SLCO1B1: variants seen among roughly 807,000 people sequenced by gnomAD.
SLCO1B1 encodes solute carrier organic anion transporter family member 1B1, also known as OATP-2.
A neutral mutation model predicts 70.1 loss-of-function variants in SLCO1B1; 81 were observed. The ratio of observed to expected loss-of-function variants is 1.16; its 90% CI spans 0.97 to 1.39. The LOEUF (loss-of-function observed/expected upper bound fraction) is 1.39, where lower values mean the gene tolerates loss of function less well. Ranked by LOEUF, SLCO1B1 falls within the 40% of genes most tolerant of loss-of-function variation. SLCO1B1 has a pLI of 0.00. For missense variants in SLCO1B1, 895 were observed against 799.6 expected (o/e 1.12, Z -1.44); for synonymous variants, 283 against 271.5 (o/e 1.04, Z -0.42).
chr12:21,206,870 C>G (rs1397101149), intron 11 of SLCO1B1, among the ~76,000 whole-genome samples: 1 of 151,870 alleles, frequency 6.6e-6, no homozygotes. Context: ...CTCTGCCACA[C>G]CCTTCTGTGT....
At position 21,172,722 on chromosome 12, in the gene SLCO1B1, A is replaced by G; in HGVS notation, c.157A>G (p.Ile53Val). 1 of 1,613,014 alleles carries G rather than the reference A, an allele frequency of 6.2e-7. No individual in the cohort carries two copies. Among genetic ancestry groups the G allele is most frequent in the Non-Finnish European group, 8.5e-7 (1 of 1,179,140 alleles). The stretch of plus-strand genomic sequence containing the variant: ...TGCAATTATTATGAAAAGTTCCATC[A>G]TTCATATAGAACGGAGATTTGAGAT... ...LGAIIMKSSI[I>V]HIERRFEISS... Residue 53 changes from isoleucine (I) to valine (V), a missense_variant, in exon 3 of 15, where the codon ATT (isoleucine) becomes GTT (valine). Coordinates refer to ENST00000256958, the MANE Select transcript of SLCO1B1 (RefSeq NM_006446.5).
chr12:21,223,582 T>A (rs1379916316), intron 13 of SLCO1B1, among the ~76,000 whole-genome samples: 2 of 152,182 alleles, frequency 1.3e-5, no homozygotes, highest in Non-Finnish European at 1.5e-5. Context: ...TACCGGGTTT[T>A]CTCAGATACA....
rs558017531 is a variant in SLCO1B1, at chr12:21,210,011, C to A, written c.1497+3978C>A. ...AAATTTTCTCCCATTTTGTAGGTTG[C>A]CTGTTCACTCTGATGGTAGTTTTTT... On this transcript the variant is annotated intron_variant, in intron 11 of 14. Coordinates refer to ENST00000256958, the MANE Select transcript of SLCO1B1 (RefSeq NM_006446.5). 2.4e-3 allele frequency among the ~76,000 whole-genome samples: 362 copies of A among 150,660 alleles called. 1 individual carries two copies. Among genetic ancestry groups the A allele is most frequent in the African/African-American group, 8.5e-3 (350 of 41,266 alleles).
intron 10 of SLCO1B1, among the ~76,000 whole-genome samples, chr12:21,205,059 G>A (rs1186333933): frequency 4.6e-5 from 7 of 151,848 alleles, no homozygotes; most frequent in Non-Finnish European, 8.8e-5. Context: ...TATTGATAAT[G>A]TAGTTTCTGA....
intron 11 of SLCO1B1, among the ~76,000 whole-genome samples, chr12:21,207,165 G>A (rs116167859): frequency 0.017 from 2,516 of 151,918 alleles, 66 homozygotes; most frequent in African/African-American, 0.058. Flanking sequence ...TAGGTAAAGG[G>A]GATACAAATG....
At chr12:21,212,423 G>C (rs1290899686) in intron 11 of SLCO1B1, among the ~76,000 whole-genome samples, 3 of 134,524 alleles carry the variant, frequency 2.2e-5, no homozygotes, top group Non-Finnish European at 4.7e-5. Flanking sequence ...ACTGTGGTCT[G>C]AGAGATAGTT....
chr12:21,224,866 A>AT, intron 14 of SLCO1B1, 27 bp downstream of exon 14: 1 of 1,247,828 alleles, frequency 8.0e-7, no homozygotes. Flanking sequence ...ATATTTCATT[A>AT]TTTTTTCTTT....
intron 2 of SLCO1B1, among the ~76,000 whole-genome samples, chr12:21,155,989 T>A (rs1940538319): frequency 6.6e-6 from 1 of 152,194 alleles, no homozygotes; most frequent in African/African-American, 2.4e-5. Context: ...TAGAAAGCAC[T>A]GATTCCTAGA....
Position 21,200,532 on chromosome 12 carries a change from T to C in SLCO1B1, c.995T>C (p.Ile332Thr). 2 of 1,583,014 alleles carry C rather than the reference T, an allele frequency of 1.3e-6. No homozygotes were observed. The highest frequency in any genetic ancestry group is 1.7e-6 in the Non-Finnish European group (2 of 1,163,024). ...VTGFFQSFKSILTNPLYVMFV... is the reference protein window; with the variant it reads ...VTGFFQSFKSTLTNPLYVMFV... Reference sequence around the variant, plus strand: ...GGTTTTTTCCAGTCTTTTAAAAGCATCCTTACTAATCCCCTGTATGTTATG... The same window carrying C: ...GGTTTTTTCCAGTCTTTTAAAAGCACCCTTACTAATCCCCTGTATGTTATG... The change falls in exon 9 of 15, where the codon ATC becomes ACC. Residue 332 changes from isoleucine (I) to threonine (T), a missense_variant. By Grantham distance (89) the Ile-to-Thr change is moderately conservative. Coordinates refer to ENST00000256958, the MANE Select transcript of SLCO1B1 (RefSeq NM_006446.5).
chr12:21,160,226 A>G (rs7296435), intron 2 of SLCO1B1, among the ~76,000 whole-genome samples: 11,652 of 152,114 alleles, frequency 0.077, 555 homozygotes, highest in East Asian at 0.13. Flanking sequence ...ATTTCAAACT[A>G]TACTACAGGA....
chr12:21,183,804 C>A (rs1940932298), intron 7 of SLCO1B1, among the ~76,000 whole-genome samples: 1 of 152,014 alleles, frequency 6.6e-6, no homozygotes, highest in Non-Finnish European at 1.5e-5. Context: ...GGCAAGAAAG[C>A]TCATTGAGAT....
chr12:21,210,772 TC>T (rs1941273086), intron 11 of SLCO1B1, among the ~76,000 whole-genome samples: 1 of 149,374 alleles, frequency 6.7e-6, no homozygotes, highest in South Asian at 2.1e-4. Flanking sequence ...AAGAGGTCCT[TC>T]ACATCGCTTG....
At chr12:21,202,390 A>G in intron 9 of SLCO1B1, 101 bp from the exon 10 acceptor site, 1 of 771,272 alleles carries the variant, frequency 1.3e-6, no homozygotes, top group East Asian at 2.7e-5. Flanking sequence ...AAAAAGAAGC[A>G]ATAATATTGA....
intron 2 of SLCO1B1, among the ~76,000 whole-genome samples, chr12:21,162,199 A>G (rs1482738637): frequency 6.6e-6 from 1 of 152,000 alleles, no homozygotes; most frequent in Admixed American, 6.6e-5. Context: ...ATCCAACAAG[A>G]ATAAGCACAT....
rs780187535 is a variant in SLCO1B1 at position 21,208,161 on chromosome 12, A to AT, written c.1497+2136dup. On this transcript the variant is annotated intron_variant, in intron 11 of 14. Coordinates refer to ENST00000256958, the MANE Select transcript of SLCO1B1 (RefSeq NM_006446.5). ...TAGTTTAATTATATCCCACTTGTCC[A>AT]TTTTTTTTGTTGCAATTGCTTTTGA... Among the ~76,000 whole-genome samples, 481 of 151,276 alleles carry AT rather than the reference A, an allele frequency of 3.2e-3. 2 individuals are homozygous for AT. The highest frequency in any genetic ancestry group is 5.5e-3 in the Non-Finnish European group (376 of 67,758).
intron 7 of SLCO1B1, among the ~76,000 whole-genome samples, chr12:21,189,937 C>G (rs775467442): frequency 2.6e-5 from 4 of 152,144 alleles, no homozygotes; most frequent in Non-Finnish European, 5.9e-5. Flanking sequence ...AGTCACCCTG[C>G]TGCATAATAA....
chr12:21,232,190 A>G (rs1411878022), intron 14 of SLCO1B1, among the ~76,000 whole-genome samples: 2 of 152,252 alleles, frequency 1.3e-5, no homozygotes, highest in Non-Finnish European at 2.9e-5. Context: ...ATTGAGTCCC[A>G]GGCCACCATT....
rs1941546199 is a variant in SLCO1B1 at position 21,232,281 on chromosome 12, C to T, written c.1866-6698C>T. Among the ~76,000 whole-genome samples the T allele has an allele frequency of 2.0e-5, 3 of 152,302 alleles. No homozygotes were observed. In the South Asian group the frequency reaches 6.2e-4, roughly 32 times the overall value. On this transcript the variant is annotated intron_variant, in intron 14 of 14. Transcript: ENST00000256958. ...TTTCCCAGAAGGATTCCAGTGCAAC[C>T]GATTTCAAGCTTGCAAAGGCTTTTA... is the stretch of plus-strand genomic sequence containing the variant.
At chr12:21,198,824 C>A (rs117651396) in intron 8 of SLCO1B1, among the ~76,000 whole-genome samples, 4 of 151,946 alleles carry the variant, frequency 2.6e-5, no homozygotes, top group African/African-American at 9.7e-5. Flanking sequence ...GTTTATTGAT[C>A]CACTTATTAA....
Sources: allele counts gnomAD v4.1 joint callset (sites outside exome capture counted in the v4.1 genomes callset), GRCh38; gene constraint gnomAD v4.1.1; transcripts MANE v1.5; gene names NCBI Gene and HGNC (gene_info 2026-07-23, HGNC 2026-07-21).